UBE2U: variants seen among roughly 807,000 people sequenced by gnomAD.
The protein encoded by UBE2U is ubiquitin-conjugating enzyme E2 U.
A neutral mutation model predicts 41.2 loss-of-function variants in UBE2U; 39 were observed. That is an observed-to-expected ratio of 0.95 (90% CI 0.73 to 1.24). UBE2U has a LOEUF of 1.24. UBE2U is among the 50% of genes most tolerant of loss of function. The pLI is 0.00. For missense variants in UBE2U, 336 were observed against 363.1 expected (o/e 0.93, Z 0.61); for synonymous variants, 107 against 117.8 (o/e 0.91, Z 0.60).
intron 8 of UBE2U, among the ~76,000 whole-genome samples, chr1:64,256,526 C>T (rs1394075476): frequency 3.9e-5 from 6 of 152,074 alleles, no homozygotes; most frequent in African/African-American, 7.2e-5. Context: ...GGAAAGAATT[C>T]CCTATTTAAT....
At chr1:64,240,594 T>A (rs1302865521) in intron 7 of UBE2U, among the ~76,000 whole-genome samples, 1 of 152,198 alleles carries the variant, frequency 6.6e-6, no homozygotes, top group East Asian at 1.9e-4. Context: ...TCTTGCTTTG[T>A]GAAGGATCAA....
At chr1:64,234,824 T>C (rs1420171195) in intron 7 of UBE2U, among the ~76,000 whole-genome samples, 1 of 152,194 alleles carries the variant, frequency 6.6e-6, no homozygotes, top group Non-Finnish European at 1.5e-5. Flanking sequence ...GTACCTACTA[T>C]GTATGAGGCA....
chr1:64,261,103 C>G (rs1464346153), intron 9 of UBE2U, among the ~76,000 whole-genome samples: 1 of 152,126 alleles, frequency 6.6e-6, no homozygotes, highest in Non-Finnish European at 1.5e-5. Flanking sequence ...TTTTCGTGCT[C>G]TTTTAAAAAT....
chr1:64,217,091 T>C (rs1431287589), intron 5 of UBE2U, among the ~76,000 whole-genome samples: 2 of 152,330 alleles, frequency 1.3e-5, no homozygotes, highest in East Asian at 1.9e-4. Flanking sequence ...CAGGTCCCAG[T>C]TGGCCAAACA....
intron 6 of UBE2U, among the ~76,000 whole-genome samples, chr1:64,224,215 C>G (rs950579515): frequency 3.3e-5 from 5 of 152,088 alleles, no homozygotes; most frequent in African/African-American, 1.2e-4. Flanking sequence ...CAAATGCATG[C>G]CTTTGACACA....
At chr1:64,258,456 T>C (rs1645130435) in intron 8 of UBE2U, among the ~76,000 whole-genome samples, 1 of 152,180 alleles carries the variant, frequency 6.6e-6, no homozygotes. Context: ...TTTCTCTTAA[T>C]GCTATCCCTC....
chr1:64,248,177 G>A (rs1325351389), intron 8 of UBE2U, among the ~76,000 whole-genome samples: 1 of 151,962 alleles, frequency 6.6e-6, no homozygotes, highest in Non-Finnish European at 1.5e-5. Context: ...ATTTTAATGG[G>A]TTCGCTCTCC....
chr1:64,214,975 G>C, intron 5 of UBE2U, 43 bp downstream of exon 5: 1 of 1,505,792 alleles, frequency 6.6e-7, no homozygotes, highest in South Asian at 1.1e-5. Context: ...GCTCACGCCT[G>C]TAATCCCAAC....
chr1:64,221,712 C>T (rs1487462962), intron 6 of UBE2U, among the ~76,000 whole-genome samples: 1 of 152,182 alleles, frequency 6.6e-6, no homozygotes, highest in Non-Finnish European at 1.5e-5. Context: ...ATTTAGAAAA[C>T]AGCCAATTAA....
At chr1:64,223,908 C>T (rs907450384) in intron 6 of UBE2U, among the ~76,000 whole-genome samples, 15 of 152,046 alleles carry the variant, frequency 9.9e-5, no homozygotes, top group Admixed American at 7.2e-4. Context: ...AACAGCCTGA[C>T]ACAGGGGAAT....
intron 6 of UBE2U, among the ~76,000 whole-genome samples, chr1:64,225,967 A>T (rs1179578762): frequency 6.6e-6 from 1 of 152,226 alleles, no homozygotes; most frequent in East Asian, 1.9e-4. Context: ...GTTTCTTATA[A>T]TGTCAAACAT....
At chr1:64,214,778 A>G (rs1172749633) in intron 4 of UBE2U, 37 bp from the exon 5 acceptor site, 1 of 1,568,384 alleles carries the variant, frequency 6.4e-7, no homozygotes, top group Non-Finnish European at 8.8e-7. Flanking sequence ...AAAAAAGTTT[A>G]CTTCTGAAAT....
intron 5 of UBE2U, among the ~76,000 whole-genome samples, chr1:64,219,701 T>C (rs1652292905): frequency 6.6e-6 from 1 of 152,126 alleles, no homozygotes; most frequent in Non-Finnish European, 1.5e-5. Flanking sequence ...GTTCACGCCA[T>C]TCTCCTGCCT....
intron 7 of UBE2U, among the ~76,000 whole-genome samples, chr1:64,236,910 GACCAATT>G (rs1644677519): frequency 6.6e-6 from 1 of 152,128 alleles, no homozygotes; most frequent in South Asian, 2.1e-4. Context: ...GCACACCCAA[GACCAATT>G]ACATCAGGAT....
intron 5 of UBE2U, among the ~76,000 whole-genome samples, chr1:64,218,479 AG>A (rs1652186060): frequency 6.6e-6 from 1 of 152,206 alleles, no homozygotes; most frequent in African/African-American, 2.4e-5. Flanking sequence ...AATAGGAATC[AG>A]TTTTTAATGA....
chr1:64,236,198 A>G (rs1644663717), intron 7 of UBE2U, among the ~76,000 whole-genome samples: 1 of 152,204 alleles, frequency 6.6e-6, no homozygotes, highest in African/African-American at 2.4e-5. Context: ...AGTGCCCAGC[A>G]TATAGTGAGT....
chr1:64,244,136 A>G (rs1570104084), intron 8 of UBE2U: 1 of 1,609,836 alleles, frequency 6.2e-7, no homozygotes, highest in East Asian at 2.2e-5. Context: ...GCAGATGAAA[A>G]ATCTTTCTTT....
intron 9 of UBE2U, among the ~76,000 whole-genome samples, chr1:64,263,988 C>T (rs1210240930): frequency 2.0e-5 from 3 of 152,150 alleles, no homozygotes; most frequent in African/African-American, 2.4e-5. Flanking sequence ...AAGTGGGTCA[C>T]GACTCTTTTT....
intron 7 of UBE2U, among the ~76,000 whole-genome samples, chr1:64,239,086 GGAAGAGGAAGAA>G (rs1644735419): frequency 4.1e-4 from 18 of 44,160 alleles, no homozygotes; most frequent in Admixed American, 9.5e-4. Flanking sequence ...AAGAGGAAGA[GGAAGAGGAAGAA>G]GAAGAAGAAG....
Sources: allele counts gnomAD v4.1 joint callset (sites outside exome capture counted in the v4.1 genomes callset), GRCh38; gene constraint gnomAD v4.1.1; transcripts MANE v1.5; gene names NCBI Gene and HGNC (gene_info 2026-07-23, HGNC 2026-07-21).